IGSF1: variants seen among roughly 807,000 people sequenced by gnomAD.
The protein encoded by IGSF1 is immunoglobulin superfamily member 1.
A neutral mutation model predicts 95.3 loss-of-function variants in IGSF1; 40 were observed. The ratio of observed to expected loss-of-function variants is 0.42; its 90% CI spans 0.33 to 0.55. The LOEUF (loss-of-function observed/expected upper bound fraction) is 0.55, where lower values mean the gene tolerates loss of function less well. IGSF1 is among the 20% of genes least tolerant of loss of function. The pLI is 0.10. For synonymous variants in IGSF1, 372 were observed against 382.9 expected, an observed-to-expected ratio of 0.97 and a Z score of 0.33; for missense variants, 906 against 1,025.4, an observed-to-expected ratio of 0.88 and a Z score of 1.59.
At position 131,284,714 on chromosome X, in the gene IGSF1, C is replaced by T. The variant is rs936187661; in HGVS notation, c.667+465G>A. 12 of 747,422 alleles carry T rather than the reference C, an allele frequency of 1.6e-5. No individual in the cohort carries two copies. In the African/African-American group the frequency reaches 2.4e-4, roughly 15 times the overall value. 61.6% of individuals were successfully genotyped at this position (747,422 alleles called of 1,213,427 possible). ...AAATATGAGCTATCACATTCTTTGT[C>T]ATTTGTTTTTTTTTGTTTTTACTCA... On this transcript the variant is annotated intron_variant, in intron 5 of 19. Transcript: ENST00000361420.
intron 18 of IGSF1, 130 bp from the exon 19 acceptor site, chrX:131,274,336 G>T (rs1048225167): frequency 2.3e-5 from 20 of 886,262 alleles, no homozygotes; most frequent in Non-Finnish European, 3.1e-5. Context: ...AGACTACAGA[G>T]GGGGTGGGCA....
Position 131,281,930 on chromosome X carries a change from G to T in IGSF1, c.1261C>A (p.Pro421Thr). The T allele has an allele frequency of 8.3e-7, 1 of 1,204,761 alleles. No individual in the cohort carries two copies. The highest frequency in any genetic ancestry group is 1.1e-6 in the Non-Finnish European group (1 of 890,795). ...ELMVVDKPPK[P>T]SLSAWPSTVF... is the part of the protein sequence containing the mutation. ...GTGCTTGGCCAAGCTGACAGGGAGG[G>T]TTTGGGGGGCTTATCTGAAACCAAT... Residue 421 changes from proline (P) to threonine (T), a missense_variant, in exon 8 of 20, where the codon CCC becomes ACC. By Grantham distance (38) the Pro-to-Thr change is conservative. Around this residue, in one of 5 missense-constraint regions of IGSF1, gnomAD observed 442 missense variants for 448.1 expected, o/e 0.99. Coordinates refer to ENST00000361420, the MANE Select transcript of IGSF1 (RefSeq NM_001555.5).
At position 131,280,846 on chromosome X, in the gene IGSF1, C is replaced by G. The variant is rs7057206; in HGVS notation, c.1646+372G>C. On this transcript the variant is annotated intron_variant, in intron 9 of 19. Coordinates refer to ENST00000361420, the MANE Select transcript of IGSF1 (RefSeq NM_001555.5). ...GTTGGGATAGGAGTTGGATAACAGTCTGGGAGACAGGACAGCATGGCTTCT... is the reference window on the plus strand; with the variant it reads ...GTTGGGATAGGAGTTGGATAACAGTGTGGGAGACAGGACAGCATGGCTTCT... 116 of 146,624 alleles carry G rather than the reference C, an allele frequency of 7.9e-4. 2 individuals are homozygous for G. Among genetic ancestry groups the G allele is most frequent in the Middle Eastern group, 5.8e-3 (2 of 343 alleles). The allele number at this position is 146,624 out of a possible 1,213,427, so 12.1% of individuals were successfully genotyped here.
rs1265917215 is a variant in IGSF1, at chrX:131,286,363, C to T, written c.97+74G>A. On this transcript the variant is annotated intron_variant, in intron 3 of 19. Transcript: ENST00000361420. The stretch of plus-strand genomic sequence containing the variant: ...TCTCTGGAATCTCAAGGCATTATGT[C>T]CAAGGTCATGGAGACACGCCAGCAT... 4 of 917,999 alleles carry T rather than the reference C, an allele frequency of 4.4e-6. No individual in the cohort carries two copies. The African/African-American group carries it at 7.8e-5, about 18-fold the overall frequency. 75.7% of individuals were successfully genotyped at this position (917,999 alleles called of 1,213,427 possible). A position where few individuals can be genotyped will look rare whatever the true frequency, so the allele number is the denominator to read the frequency against.
rs770281870 is a variant in IGSF1 at position 131,273,808 on chromosome X, G to A, written c.3999C>T (p.Pro1333=). 2 of 1,208,077 alleles carry A rather than the reference G, an allele frequency of 1.7e-6. No homozygotes were observed. Among genetic ancestry groups the A allele is most frequent in the South Asian group, 1.8e-5 (1 of 56,474 alleles). ...AAGGAGGAGATTATTATATTGGAAC[G>A]GGCAGTTCCACAGAGATTCTCTGAG... ...STSQRISVEL[P]VPI is the part of the protein sequence containing the mutation. Residue 1333 remains proline, a synonymous_variant, in exon 20 of 20, where the codon CCC becomes CCT. Coordinates refer to ENST00000361420, the MANE Select transcript of IGSF1 (RefSeq NM_001555.5).
chrX:131,274,145 A>C lies in IGSF1; in HGVS notation c.3813T>G (p.Val1271=), dbSNP rs771084558. The C allele has an allele frequency of 2.6e-5, 31 of 1,209,423 alleles. No individual in the cohort carries two copies. The highest frequency in any genetic ancestry group is 3.2e-5 in the Non-Finnish European group (29 of 894,897). The stretch of plus-strand genomic sequence containing the variant: ...CTAGCACTACCCCCAAGGCTACAAC[A>C]ACCACCACGATTAGGCTACTTCGGA... ...NIVRSSLIVV[V]VVALGVVLAI... The change falls in exon 19 of 20, where the codon GTT becomes GTG. Residue 1271 remains valine, a synonymous_variant. Coordinates refer to ENST00000361420, the MANE Select transcript of IGSF1 (RefSeq NM_001555.5).
intron 19 of IGSF1, 38 bp downstream of exon 19, chrX:131,274,045 G>C: frequency 8.3e-7 from 1 of 1,210,473 alleles, no homozygotes; most frequent in African/African-American, 1.7e-5. Flanking sequence ...AGCACCACCT[G>C]GTTCACAGAA....
At position 131,278,098 on chromosome X, in the gene IGSF1, G is replaced by A. The variant is rs760743858; in HGVS notation, c.2078C>T (p.Thr693Ile). The A allele has an allele frequency of 1.7e-6, 2 of 1,209,244 alleles. No homozygotes were observed. The highest frequency in any genetic ancestry group is 3.5e-5 in the African/African-American group (2 of 57,122). Residue 693 changes from threonine (T) to isoleucine (I), a missense_variant, in exon 13 of 20, where the codon ACA (threonine) becomes ATA (isoleucine). Coordinates refer to ENST00000361420, the MANE Select transcript of IGSF1 (RefSeq NM_001555.5). ...GAGTTGTAGTTCCTGGCCCCGGATT[G>A]TGGGGGAAGCAGAAATGACAGGTTT... ...LPKPVISASP[T>I]IRGQELQLRC...
In IGSF1 at chrX:131,281,817, T is replaced by G. The variant is rs2080564801; in HGVS notation, c.1374A>C (p.Glu458Asp). 8.3e-7 allele frequency: 1 copy of G among 1,210,931 alleles called. No individual in the cohort carries two copies. The highest frequency in any genetic ancestry group is 3.0e-5 in the East Asian group (1 of 33,824). Residue 458 changes from glutamate to aspartate, a missense_variant, in exon 8 of 20, where the codon GAA becomes GAC. Coordinates refer to ENST00000361420, the MANE Select transcript of IGSF1 (RefSeq NM_001555.5). Reference sequence around the variant, plus strand: ...CGTTTACTGAGAATTTTTGGAATGTTTCTCTTTCTTCCCATTCCAGAGAAA... The same window carrying G: ...CGTTTACTGAGAATTTTTGGAATGTGTCTCTTTCTTCCCATTCCAGAGAAA... Reference protein sequence around the residue: ...LEFSLEWEERETFQKFSVNGD... With the variant: ...LEFSLEWEERDTFQKFSVNGD...
At position 131,277,248 on chromosome X, in the gene IGSF1, C is replaced by G. The variant is rs189592440; in HGVS notation, c.2321-22G>C. On this transcript the variant is annotated intron_variant, in intron 13 of 19. Coordinates refer to ENST00000361420, the MANE Select transcript of IGSF1 (RefSeq NM_001555.5). The stretch of plus-strand genomic sequence containing the variant: ...ATTTCTAGAAGGCAAAAAACAAAAA[C>G]AAAAACAAAAAACAAAATACAACAC... 674 of 1,134,831 alleles carry G rather than the reference C, an allele frequency of 5.9e-4. 2 individuals carry two copies. The African/African-American group carries it at 0.012, about 20-fold the overall frequency. 93.5% of individuals were successfully genotyped at this position (1,134,831 alleles called of 1,213,427 possible).
At chrX:131,289,137 C>G (rs772140849) in intron 1 of IGSF1, 77 bp downstream of exon 1, 58 of 368,978 alleles carry the variant, frequency 1.6e-4, no homozygotes, top group Admixed American at 1.5e-3. Flanking sequence ...GAGACTCTTT[C>G]GGGGTTTTGT....
Position 131,277,919 on chromosome X carries a change from G to A in IGSF1, c.2257C>T (p.His753Tyr). 2 of 1,210,701 alleles carry A rather than the reference G, an allele frequency of 1.7e-6. No individual in the cohort carries two copies. Among genetic ancestry groups the A allele is most frequent in the Non-Finnish European group, 2.2e-6 (2 of 895,114 alleles). ...KDEGNYSCRT[H>Y]TEKRPFKWSE... is the part of the protein sequence containing the mutation. ...CACTTGAAGGGGCGTTTTTCAGTGT[G>A]AGTGCGGCAGCTGTAATTGCCTTCG... Residue 753 changes from histidine to tyrosine, a missense_variant, in exon 13 of 20, where the codon CAC (histidine) becomes TAC (tyrosine). Physicochemically the swap from His to Tyr is moderately conservative, Grantham distance 83 (BLOSUM62 2). Transcript: ENST00000361420.
At chrX:131,274,934 C>T in intron 17 of IGSF1, 57 bp from the exon 18 acceptor site, 2 of 1,194,933 alleles carry the variant, frequency 1.7e-6, no homozygotes, top group South Asian at 3.6e-5. Context: ...AGCCTTTTAC[C>T]CCCTTATTGC....
At chrX:131,288,479 G>A (rs1445065912) in intron 1 of IGSF1, among the ~76,000 whole-genome samples, 1 of 110,524 alleles carries the variant, frequency 9.0e-6, no homozygotes, top group East Asian at 2.9e-4. Flanking sequence ...AGGTTCCACT[G>A]CCAAGGGAGA....
At chrX:131,287,073 G>A (rs1199752635) in intron 1 of IGSF1, among the ~76,000 whole-genome samples, 1 of 96,582 alleles carries the variant, frequency 1.0e-5, no homozygotes, top group East Asian at 3.3e-4. Flanking sequence ...ATATATATAC[G>A]TATGTTTATA....
intron 11 of IGSF1, 70 bp from the exon 12 acceptor site, chrX:131,278,821 C>A: frequency 2.0e-6 from 2 of 1,011,013 alleles, no homozygotes; most frequent in South Asian, 2.1e-5. Flanking sequence ...GCCCTTGAAC[C>A]CTCTACCCAG....
chrX:131,277,033 C>T lies in IGSF1; in HGVS notation c.2514G>A (p.Ser838=), dbSNP rs763692298. The T allele has an allele frequency of 1.4e-5, 17 of 1,208,747 alleles. No individual in the cohort carries two copies. The Admixed American group carries it at 2.0e-4, about 14-fold the overall frequency. The change falls in exon 14 of 20, where the codon TCG becomes TCA. Residue 838 remains serine (S), a synonymous_variant. Transcript: ENST00000361420. ...GASAAHFLII[S]VGIGDGGNYS... ...AATTCCCTCCATCACCAATGCCCACCGAAATGATTAGAAAGTGAGCTGCAC... is the reference window on the plus strand; with the variant it reads ...AATTCCCTCCATCACCAATGCCCACTGAAATGATTAGAAAGTGAGCTGCAC...
chrX:131,281,447 G>T, intron 8 of IGSF1, 109 bp from the exon 9 acceptor site: 1 of 993,264 alleles, frequency 1.0e-6, no homozygotes, highest in Middle Eastern at 2.8e-4. Context: ...TATTGAGAAG[G>T]TGAGGCAGAA....
intron 5 of IGSF1, 170 bp downstream of exon 5, chrX:131,285,009 C>A: frequency 2.2e-6 from 2 of 898,820 alleles, no homozygotes; most frequent in Admixed American, 4.6e-5. Flanking sequence ...TGCCTTGCAG[C>A]ACATGCCATT....
Sources: allele counts gnomAD v4.1 joint callset (sites outside exome capture counted in the v4.1 genomes callset), GRCh38; gene constraint gnomAD v4.1.1; regional missense constraint gnomAD v4.1.1; transcripts MANE v1.5; gene names NCBI Gene and HGNC (gene_info 2026-07-23, HGNC 2026-07-21).